Variants in UTP20 observed in about 807,000 individuals in gnomAD.
The protein encoded by UTP20 is UTP20 small subunit processome component.
Under a neutral mutation model 329.5 loss-of-function variants are expected in UTP20, and 164 were observed. That is an observed-to-expected ratio of 0.50 (90% CI 0.44 to 0.57). The LOEUF is 0.57. UTP20 is among the 20% of genes least tolerant of loss of function. The pLI, the probability that UTP20 is intolerant of heterozygous loss-of-function variation, is 0.00. For synonymous variants in UTP20, 1,151 were observed against 1,159.3 expected (o/e 0.99, Z 0.14); for missense variants, 3,055 against 3,284.2 (o/e 0.93, Z 1.71).
intron 25 of UTP20, among the ~76,000 whole-genome samples, chr12:101,323,494 T>C (rs868285091): frequency 1.3e-5 from 2 of 152,218 alleles, no homozygotes; most frequent in African/African-American, 4.8e-5. Context: ...TTTGTTGTTA[T>C]TATTTTTTGA....
intron 26 of UTP20, among the ~76,000 whole-genome samples, chr12:101,328,553 G>A (rs1868643193): frequency 6.6e-6 from 1 of 152,162 alleles, no homozygotes. Context: ...GAAATGGAAA[G>A]TAAGAAAAGT....
chr12:101,314,495 A>T (rs929670155), intron 21 of UTP20, among the ~76,000 whole-genome samples: 7 of 151,982 alleles, frequency 4.6e-5, no homozygotes, highest in Non-Finnish European at 1.0e-4. Flanking sequence ...TGTCTGTACT[A>T]AAAATACAAA....
intron 3 of UTP20, 52 bp from the exon 4 acceptor site, chr12:101,285,697 A>G: frequency 6.2e-7 from 1 of 1,613,298 alleles, no homozygotes; most frequent in Non-Finnish European, 8.5e-7. Context: ...TGTTCCATAC[A>G]GCTGAATAGT....
chr12:101,315,613 A>G (rs1872948496), intron 21 of UTP20, among the ~76,000 whole-genome samples: 1 of 152,232 alleles, frequency 6.6e-6, no homozygotes, highest in African/African-American at 2.4e-5. Flanking sequence ...GTCAGTAGAT[A>G]TAGTGGCAGA....
At chr12:101,291,141 AGT>A (rs1199239980) in intron 8 of UTP20, 1 of 327,798 alleles carries the variant, frequency 3.1e-6, no homozygotes, top group African/African-American at 2.1e-5. Context: ...ACTTACTGCT[AGT>A]GTAACCTGGG....
chr12:101,356,685 T>C lies in UTP20; in HGVS notation c.5526T>C (p.Asn1842=). ...TTCCACAAGAAGTTATGGAAGCTAA[T>C]CTGCCAAGGTATGTTTTTTAACAAA... ...QSLPQEVMEA[N]LPSILLKVCA... Residue 1842 remains asparagine (N), a synonymous_variant, in exon 42 of 62, where the codon AAT becomes AAC. Transcript: ENST00000261637. The C allele has an allele frequency of 6.2e-7, 1 of 1,608,782 alleles. No individual in the cohort carries two copies. Among genetic ancestry groups the C allele is most frequent in the Non-Finnish European group, 8.5e-7 (1 of 1,178,876 alleles).
In UTP20 at chr12:101,386,157, T is replaced by C. The variant is rs1176070901; in HGVS notation, c.*34T>C. 2 of 1,570,718 alleles carry C rather than the reference T, an allele frequency of 1.3e-6. No homozygotes were observed. The highest frequency in any genetic ancestry group is 2.8e-5 in the African/African-American group (2 of 71,714). ...TGTGCTGATACAAGCATGAACTTTC[T>C]GGAATATTCTGCTAGTCTGAAATTA... On this transcript the variant is annotated 3_prime_UTR_variant, in exon 62 of 62. Coordinates refer to ENST00000261637, the MANE Select transcript of UTP20 (RefSeq NM_014503.3).
chr12:101,322,875 T>C (rs796742776), intron 25 of UTP20, among the ~76,000 whole-genome samples: 10 of 152,260 alleles, frequency 6.6e-5, no homozygotes, highest in African/African-American at 2.2e-4. Flanking sequence ...ACAATAAAAA[T>C]AGAAAGCAGA....
chr12:101,293,896 A>G (rs778996949), intron 11 of UTP20, among the ~76,000 whole-genome samples: 56 of 151,354 alleles, frequency 3.7e-4, no homozygotes, highest in Admixed American at 1.3e-4. Flanking sequence ...ATTTTTTTTT[A>G]ATCTTATTTT....
At chr12:101,286,563 G>T in intron 5 of UTP20, 54 bp downstream of exon 5, 2 of 1,413,052 alleles carry the variant, frequency 1.4e-6, no homozygotes, top group South Asian at 3.5e-5. Flanking sequence ...CTTTTTCCCT[G>T]GCTTCTTTAT....
chr12:101,376,521 T>G (rs1323594561), intron 56 of UTP20, among the ~76,000 whole-genome samples: 1 of 152,154 alleles, frequency 6.6e-6, no homozygotes, highest in Non-Finnish European at 1.5e-5. Context: ...CTGTAGGCAT[T>G]CGTAACAGGG....
intron 38 of UTP20, among the ~76,000 whole-genome samples, chr12:101,348,801 A>G (rs1312196058): frequency 3.6e-5 from 5 of 140,446 alleles, no homozygotes; most frequent in African/African-American, 1.3e-4. Context: ...GGTCTTAAAC[A>G]CCTGGCCTCA....
At position 101,356,631 on chromosome 12, in the gene UTP20, T is replaced by C; in HGVS notation, c.5472T>C (p.Ala1824=). The change falls in exon 42 of 62, where the codon GCT becomes GCC. Residue 1824 remains alanine, a synonymous_variant. Transcript: ENST00000261637. ...AGGAAGTCGTTCGAGTTCCATTAGC[T>C]TTTGCCATGGTTAAACTAATGCAGT... The part of the protein sequence containing the change: ...NDEEVVRVPL[A]FAMVKLMQSL... The C allele has an allele frequency of 6.2e-7, 1 of 1,614,094 alleles. No homozygotes were observed. Among genetic ancestry groups the C allele is most frequent in the Non-Finnish European group, 8.5e-7 (1 of 1,179,972 alleles).
At position 101,375,520 on chromosome 12, in the gene UTP20, C is replaced by T. The variant is rs145901593; in HGVS notation, c.7264-104C>T. The T allele has an allele frequency of 2.4e-3, 2,922 of 1,198,266 alleles. 5 individuals carry two copies. Among genetic ancestry groups the T allele is most frequent in the Middle Eastern group, 0.01 (46 of 4,498 alleles). The allele number at this position is 1,198,266 out of a possible 1,614,324, so 74.2% of individuals were successfully genotyped here. On this transcript the variant is annotated intron_variant, in intron 55 of 61. Transcript: ENST00000261637. The stretch of plus-strand genomic sequence containing the variant: ...ATCTGGCCCACAATGTCAGGAGTGC[C>T]GAGGGAGGTTCAGAAACGGGTGGAT...
chr12:101,290,367 C>T, intron 7 of UTP20, 93 bp downstream of exon 7: 1 of 1,424,846 alleles, frequency 7.0e-7, no homozygotes, highest in African/African-American at 1.4e-5. Flanking sequence ...GGAAGACAGC[C>T]TAGAGTACAT....
rs769642275 is a variant in UTP20 at position 101,356,618 on chromosome 12, G to A, written c.5459G>A (p.Arg1820Gln). ...GTTGTGAATGATGAGGAAGTCGTTCGAGTTCCATTAGCTTTTGCCATGGTT... is the reference window on the plus strand; with the variant it reads ...GTTGTGAATGATGAGGAAGTCGTTCAAGTTCCATTAGCTTTTGCCATGGTT... ...SKVVNDEEVV[R>Q]VPLAFAMVKL... The change falls in exon 42 of 62, where the codon CGA becomes CAA. Residue 1820 changes from arginine to glutamine, a missense_variant. By Grantham distance (43) the Arg-to-Gln change is conservative (BLOSUM62 1). Around this residue, in one of 3 missense-constraint regions of UTP20, gnomAD observed 2,445 missense variants for 2,575.5 expected, o/e 0.95. Transcript: ENST00000261637. 1.6e-5 allele frequency: 26 copies of A among 1,614,020 alleles called. 2 individuals carry two copies. In the East Asian group the frequency reaches 3.1e-4, roughly 19 times the overall value.
At chr12:101,315,053 C>T (rs1437899269) in intron 21 of UTP20, among the ~76,000 whole-genome samples, 6 of 152,090 alleles carry the variant, frequency 3.9e-5, no homozygotes, top group African/African-American at 1.4e-4. Flanking sequence ...GATCGTGCCA[C>T]GGCACTCCAA....
At chr12:101,306,454 G>T (rs1267760210) in intron 16 of UTP20, among the ~76,000 whole-genome samples, 1 of 151,930 alleles carries the variant, frequency 6.6e-6, no homozygotes, top group Non-Finnish European at 1.5e-5. Context: ...CAACTTCTTT[G>T]TACTTATTTA....
intron 32 of UTP20, 100 bp from the exon 33 acceptor site, chr12:101,342,346 T>A (rs1034133053): frequency 1.0e-6 from 1 of 970,760 alleles, no homozygotes; most frequent in Non-Finnish European, 1.4e-6. Context: ...TACTTTTACA[T>A]CTTATTCACA....
Sources: allele counts gnomAD v4.1 joint callset (sites outside exome capture counted in the v4.1 genomes callset), GRCh38; gene constraint gnomAD v4.1.1; regional missense constraint gnomAD v4.1.1; transcripts MANE v1.5; gene names NCBI Gene and HGNC (gene_info 2026-07-23, HGNC 2026-07-21).